The following NUP98 variants were observed in gnomAD, a reference collection of about 807,000 sequenced individuals.
NUP98 encodes the protein nuclear pore complex protein Nup98-Nup96.
Under a neutral mutation model 191.9 loss-of-function variants are expected in NUP98, and 26 were observed. That is an observed-to-expected ratio of 0.14 (90% CI 0.10 to 0.19). The LOEUF (loss-of-function observed/expected upper bound fraction) is 0.19. Ranked by LOEUF, NUP98 falls within the 10% of genes least tolerant of loss-of-function variation. The pLI is 1.00. For missense variants in NUP98, 1,941 were observed against 2,178.8 expected (o/e 0.89, Z 2.17); for synonymous variants, 808 against 778.4 (o/e 1.04, Z -0.63).
rs115899495 is a variant in NUP98 at position 3,734,328 on chromosome 11, G to A, written c.1542+863C>T. Among the ~76,000 whole-genome samples, 788 of 151,956 alleles carry A rather than the reference G, an allele frequency of 5.2e-3. 2 individuals carry two copies. Among genetic ancestry groups the A allele is most frequent in the African/African-American group, 0.014 (570 of 41,462 alleles). ...GATTACAGGCCTGAGCCACTGCGCC[G>A]GGCAGATCCCATTTCTTAAAACAAC... On this transcript the variant is annotated intron_variant, in intron 13 of 32. Transcript: ENST00000324932.
At chr11:3,731,253 G>A (rs2079835608) in intron 14 of NUP98, 138 bp downstream of exon 14, 1 of 499,082 alleles carries the variant, frequency 2.0e-6, no homozygotes, top group South Asian at 5.9e-5. Flanking sequence ...GACAGAGTAA[G>A]ACTCTGTCTC....
intron 1 of NUP98, among the ~76,000 whole-genome samples, chr11:3,784,678 CAGG>C (rs2082084603): frequency 6.6e-6 from 1 of 151,962 alleles, no homozygotes; most frequent in Admixed American, 6.6e-5. Context: ...CACTTTAGCC[CAGG>C]AGTTCAGGCC....
At chr11:3,735,698 T>TATAGACTG (rs1471812275) in intron 12 of NUP98, among the ~76,000 whole-genome samples, 1 of 151,518 alleles carries the variant, frequency 6.6e-6, no homozygotes, top group Non-Finnish European at 1.5e-5. Context: ...CTAGAAACAT[T>TATAGACTG]ATAGACTGGT....
Position 3,725,184 on chromosome 11 carries a change from T to C in NUP98, c.1766A>G (p.Asn589Ser), listed in dbSNP as rs371706295. The C allele has an allele frequency of 1.3e-5, 21 of 1,597,106 alleles. No individual in the cohort carries two copies. In the African/African-American group the frequency reaches 1.3e-4, roughly 10 times the overall value. ...AACAGGAGAAAAGAGATTGCTATTATTAAGGTTCTTCAAAACCAACTTCTT... is the reference window on the plus strand; with the variant it reads ...AACAGGAGAAAAGAGATTGCTATTACTAAGGTTCTTCAAAACCAACTTCTT... ...SIKKLVLKNL[N>S]NSNLFSPVNR... The change falls in exon 15 of 33, where the codon AAT (asparagine) becomes AGT (serine). Residue 589 changes from asparagine (N) to serine (S), a missense_variant. Transcript: ENST00000324932.
chr11:3,764,184 T>G (rs945423231), intron 8 of NUP98, among the ~76,000 whole-genome samples: 1 of 152,178 alleles, frequency 6.6e-6, no homozygotes, highest in South Asian at 2.1e-4. Context: ...GAACATTTAA[T>G]GTGAATGGAG....
In NUP98 at chr11:3,720,834, A is replaced by C. The variant is rs1267030601; in HGVS notation, c.2147-9T>G. ...CTTAGTGAGAATAATACCTGTGACA[A>C]AAAAAAAAAAAAAAACAGAAAAAAA... On this transcript the variant is annotated splice_polypyrimidine_tract_variant and intron_variant, in intron 16 of 32. Transcript: ENST00000324932. The C allele has an allele frequency of 2.0e-5, 12 of 612,906 alleles. No homozygotes were observed. Among genetic ancestry groups the C allele is most frequent in the African/African-American group, 1.9e-4 (9 of 47,702 alleles). 38.0% of individuals were successfully genotyped at this position (612,906 alleles called of 1,614,324 possible).
At chr11:3,775,750 G>T in intron 5 of NUP98, 132 bp downstream of exon 5, 1 of 726,810 alleles carries the variant, frequency 1.4e-6, no homozygotes, top group Non-Finnish European at 2.3e-6. Context: ...ACTATTTATA[G>T]ATTTTGTTTT....
intron 26 of NUP98, among the ~76,000 whole-genome samples, chr11:3,694,323 A>G (rs2078427562): frequency 6.6e-6 from 1 of 151,714 alleles, no homozygotes; most frequent in South Asian, 2.1e-4. Flanking sequence ...GTGAGCCAAG[A>G]TTGTGCCACT....
intron 8 of NUP98, among the ~76,000 whole-genome samples, chr11:3,764,819 C>G (rs2134544170): frequency 6.6e-6 from 1 of 152,360 alleles, no homozygotes; most frequent in Admixed American, 6.5e-5. Flanking sequence ...ACCTCGTGAT[C>G]TGCCTGCCTC....
intron 17 of NUP98, 27 bp downstream of exon 17, chr11:3,720,685 A>G: frequency 8.2e-7 from 1 of 1,220,856 alleles, no homozygotes. Context: ...CTCTGGCTTA[A>G]TCACTAAGTG....
intron 8 of NUP98, among the ~76,000 whole-genome samples, chr11:3,764,015 T>A (rs1370409980): frequency 6.6e-6 from 1 of 152,220 alleles, no homozygotes; most frequent in Admixed American, 6.5e-5. Context: ...TCAAACATCA[T>A]AAAATTCACT....
At chr11:3,785,320 T>A (rs1041869688) in intron 1 of NUP98, among the ~76,000 whole-genome samples, 5 of 152,118 alleles carry the variant, frequency 3.3e-5, no homozygotes, top group Admixed American at 3.3e-4. Flanking sequence ...TCTATCTATC[T>A]CTCTTCTGTG....
intron 30 of NUP98, 74 bp downstream of exon 30, chr11:3,683,126 C>T (rs1564800970): frequency 6.3e-7 from 1 of 1,587,254 alleles, no homozygotes; most frequent in African/African-American, 1.3e-5. Flanking sequence ...TATTTCCAGT[C>T]TGACCCCATC....
Position 3,705,225 on chromosome 11 carries a change from G to A in NUP98, c.3057C>T (p.Ser1019=). The part of the protein sequence containing the change: ...ICSPRLPISA[S]HSSKTRSLVG... ...CTAGTGAACGAGTTTTCGACGAGTG[G>A]GATGCTGAAATGGGGAGTCTGGGAG... Residue 1019 remains serine (S), a synonymous_variant, in exon 22 of 33, where the codon TCC becomes TCT. Coordinates refer to ENST00000324932, the MANE Select transcript of NUP98 (RefSeq NM_016320.5). The A allele has an allele frequency of 6.2e-7, 1 of 1,614,166 alleles. No individual in the cohort carries two copies. Among genetic ancestry groups the A allele is most frequent in the Non-Finnish European group, 8.5e-7 (1 of 1,180,016 alleles).
chr11:3,725,782 A>C (rs538976197), intron 14 of NUP98, among the ~76,000 whole-genome samples: 1 of 152,230 alleles, frequency 6.6e-6, no homozygotes, highest in Non-Finnish European at 1.5e-5. Context: ...AATGCAAATG[A>C]TCGATCACAA....
At chr11:3,768,777 AAAT>A (rs1461614029) in intron 7 of NUP98, 33 bp from the exon 8 acceptor site, 43 of 1,475,974 alleles carry the variant, frequency 2.9e-5, no homozygotes, top group Non-Finnish European at 3.9e-5. Flanking sequence ...AAGAAAAAAG[AAAT>A]AATAAAAAAA....
chr11:3,702,352 C>A, intron 23 of NUP98, 111 bp downstream of exon 23: 1 of 616,886 alleles, frequency 1.6e-6, no homozygotes, highest in East Asian at 3.0e-5. Flanking sequence ...CTCTCTCTCT[C>A]TCTCTCTCTC....
At chr11:3,702,918 AG>A (rs770188668) in intron 22 of NUP98, 26 bp from the exon 23 acceptor site, 1 of 1,553,240 alleles carries the variant, frequency 6.4e-7, no homozygotes, top group South Asian at 1.2e-5. Flanking sequence ...AATGAAGGGG[AG>A]AAAGACTATT....
intron 12 of NUP98, among the ~76,000 whole-genome samples, chr11:3,740,368 G>A (rs767289853): frequency 4.0e-5 from 6 of 151,820 alleles, no homozygotes; most frequent in South Asian, 4.2e-4. Context: ...AAAATTAGCC[G>A]GGCGTGGTGA....
Sources: allele counts gnomAD v4.1 joint callset (sites outside exome capture counted in the v4.1 genomes callset), GRCh38; gene constraint gnomAD v4.1.1; transcripts MANE v1.5; gene names NCBI Gene and HGNC (gene_info 2026-07-23, HGNC 2026-07-21).